Variants in PPP1R21 observed in about 807,000 individuals in gnomAD.
PPP1R21 encodes KLRAQ motif containing 1.
Under a neutral mutation model 112.8 loss-of-function variants are expected in PPP1R21, and 85 were observed. That is an observed-to-expected ratio of 0.75 (90% CI 0.63 to 0.90). PPP1R21 has a LOEUF of 0.90. Among genes scored for constraint, PPP1R21 ranks in the 40% least tolerant of loss-of-function variants. The pLI, the probability that PPP1R21 is intolerant of heterozygous loss-of-function variation, is 0.00. For missense variants in PPP1R21, 1,199 were observed against 901.5 expected, an observed-to-expected ratio of 1.33 and a Z score of -4.23; for synonymous variants, 381 against 322.3, an observed-to-expected ratio of 1.18 and a Z score of -1.95.
At chr2:48,489,739 G>T in intron 14 of PPP1R21, among the ~76,000 whole-genome samples, 1 of 151,762 alleles carries the variant, frequency 6.6e-6, no homozygotes, top group South Asian at 2.1e-4. Flanking sequence ...TTGAAACCCT[G>T]TCTCTACTAA....
chr2:48,450,890 T>C (rs2103756581), intron 1 of PPP1R21, 118 bp from the exon 2 acceptor site: 1 of 748,480 alleles, frequency 1.3e-6, no homozygotes, highest in Non-Finnish European at 2.3e-6. Flanking sequence ...TGTTCTCATA[T>C]ATATGTGAGA....
intron 6 of PPP1R21, among the ~76,000 whole-genome samples, chr2:48,460,866 G>A (rs1243066507): frequency 4.6e-5 from 7 of 152,204 alleles, no homozygotes; most frequent in Admixed American, 4.6e-4. Flanking sequence ...ATTACTTTGA[G>A]CTTGGGGAAA....
At chr2:48,466,596 C>G (rs1200819825) in intron 9 of PPP1R21, among the ~76,000 whole-genome samples, 2 of 151,884 alleles carry the variant, frequency 1.3e-5, no homozygotes, top group Admixed American at 6.6e-5. Context: ...TATGAGATCA[C>G]CGGGGAATGG....
At chr2:48,480,995 A>G (rs1374251083) in intron 13 of PPP1R21, among the ~76,000 whole-genome samples, 3 of 152,218 alleles carry the variant, frequency 2.0e-5, no homozygotes. Flanking sequence ...AAGGAACTTT[A>G]TAATTTTTTC....
rs1670644962 is a variant in PPP1R21, at chr2:48,511,568, A to T, written c.2313+100A>T. ...AGGAGGAAGAGGACATAAGATTTAA[A>T]GTGTTTGTAAGGGCCAGGGGCAGTG... On this transcript the variant is annotated intron_variant, in intron 21 of 21. Transcript: ENST00000294952. 2.8e-6 allele frequency: 4 copies of T among 1,434,938 alleles called. No homozygotes were observed. In the Admixed American group the frequency reaches 5.9e-5, roughly 21 times the overall value. The allele number at this position is 1,434,938 out of a possible 1,614,324, so 88.9% of individuals were successfully genotyped here.
At chr2:48,470,008 A>C (rs1668431636) in intron 9 of PPP1R21, among the ~76,000 whole-genome samples, 1 of 152,222 alleles carries the variant, frequency 6.6e-6, no homozygotes, top group South Asian at 2.1e-4. Context: ...GGATGGGGTC[A>C]GTTGAATCAC....
chr2:48,489,846 C>A (rs966935250), intron 14 of PPP1R21, among the ~76,000 whole-genome samples: 9 of 151,904 alleles, frequency 5.9e-5, no homozygotes, highest in Non-Finnish European at 1.3e-4. Flanking sequence ...GAGTTTGAGA[C>A]CAGCCTGGCC....
intron 17 of PPP1R21, among the ~76,000 whole-genome samples, chr2:48,504,568 G>T (rs560352417): frequency 7.2e-5 from 11 of 152,282 alleles, no homozygotes; most frequent in Non-Finnish European, 1.0e-4. Flanking sequence ...TTGAACCCGG[G>T]AGGTGGAGGT....
intron 21 of PPP1R21, among the ~76,000 whole-genome samples, chr2:48,512,670 G>A (rs1385353134): frequency 1.3e-5 from 2 of 152,154 alleles, no homozygotes; most frequent in South Asian, 2.1e-4. Context: ...ACATAGTTTC[G>A]TGATATTCAT....
chr2:48,505,664 TG>T, intron 18 of PPP1R21, 68 bp downstream of exon 18: 1 of 1,270,954 alleles, frequency 7.9e-7, no homozygotes, highest in Non-Finnish European at 1.1e-6. Context: ...GACAAAGTCC[TG>T]CAAAAGCCAT....
intron 1 of PPP1R21, among the ~76,000 whole-genome samples, chr2:48,443,596 G>C (rs1667124573): frequency 6.6e-6 from 1 of 152,160 alleles, no homozygotes; most frequent in South Asian, 2.1e-4. Context: ...CCAGACTTGG[G>C]GTCATCTCCC....
At chr2:48,473,165 G>T (rs1668600176) in intron 11 of PPP1R21, among the ~76,000 whole-genome samples, 2 of 151,746 alleles carry the variant, frequency 1.3e-5, no homozygotes, top group African/African-American at 2.4e-5. Flanking sequence ...AGATATTTCA[G>T]TAACAAAATT....
intron 14 of PPP1R21, among the ~76,000 whole-genome samples, chr2:48,488,766 G>C (rs1342752147): frequency 2.0e-5 from 3 of 152,154 alleles, no homozygotes; most frequent in Non-Finnish European, 4.4e-5. Context: ...GTTGGTATCA[G>C]CTTAATATTA....
At chr2:48,447,238 C>T (rs1036102310) in intron 1 of PPP1R21, among the ~76,000 whole-genome samples, 7 of 152,022 alleles carry the variant, frequency 4.6e-5, no homozygotes, top group African/African-American at 1.7e-4. Flanking sequence ...GAAGTAGGGC[C>T]AGTAGGTAAA....
intron 12 of PPP1R21, among the ~76,000 whole-genome samples, chr2:48,478,955 A>C (rs1054856562): frequency 6.6e-6 from 1 of 152,204 alleles, no homozygotes; most frequent in Admixed American, 6.5e-5. Context: ...GACAGTGGTC[A>C]TACTTTTCTC....
Position 48,499,604 on chromosome 2 carries a change from A to G in PPP1R21, c.1935+869A>G, listed in dbSNP as rs147651945. On this transcript the variant is annotated intron_variant, in intron 17 of 21. Transcript: ENST00000294952. ...AACAAGTAATAATAAAAAAGAAATA[A>G]CCACAAATACAATTTTAACCCAATT... Among the ~76,000 whole-genome samples the G allele has an allele frequency of 7.3e-3, 1,116 of 152,222 alleles. 11 individuals carry two copies. Among genetic ancestry groups the G allele is most frequent in the African/African-American group, 0.025 (1,036 of 41,530 alleles).
chr2:48,493,284 C>T (rs932994012), intron 15 of PPP1R21, among the ~76,000 whole-genome samples: 5 of 152,110 alleles, frequency 3.3e-5, no homozygotes, highest in Admixed American at 6.5e-5. Flanking sequence ...GGATTACAGG[C>T]GTGAGCCACT....
At chr2:48,508,681 C>T (rs1452869332) in intron 19 of PPP1R21, among the ~76,000 whole-genome samples, 2 of 152,178 alleles carry the variant, frequency 1.3e-5, no homozygotes, top group Non-Finnish European at 2.9e-5. Context: ...TCACAAGGAC[C>T]TGTGCCTTGC....
At chr2:48,465,410 T>C (rs1391556252) in intron 8 of PPP1R21, 83 bp from the exon 9 acceptor site, 4 of 1,258,790 alleles carry the variant, frequency 3.2e-6, no homozygotes, top group Non-Finnish European at 4.4e-6. Flanking sequence ...GATTCAAATG[T>C]TTTCTCCAGA....
Sources: allele counts gnomAD v4.1 joint callset (sites outside exome capture counted in the v4.1 genomes callset), GRCh38; gene constraint gnomAD v4.1.1; transcripts MANE v1.5; gene names NCBI Gene and HGNC (gene_info 2026-07-23, HGNC 2026-07-21).